XRN1: variants seen among roughly 807,000 people sequenced by gnomAD.
The protein encoded by XRN1 is 5'-3' exoribonuclease 1.
A neutral mutation model predicts 222.3 loss-of-function variants in XRN1; 67 were observed. The ratio of observed to expected loss-of-function variants is 0.30; its 90% confidence interval spans 0.25 to 0.37. XRN1 has a LOEUF of 0.37. Among genes scored for constraint, XRN1 ranks in the 10% least tolerant of loss-of-function variants. The probability of loss-of-function intolerance (pLI) is 1.00; values close to 1 mark genes in which losing one functional copy is unlikely to be tolerated. For synonymous variants in XRN1, 643 were observed against 652.4 expected (o/e 0.99, Z 0.22); for missense variants, 1,707 against 2,000.2 (o/e 0.85, Z 2.80).
chr3:142,394,485 C>T (rs1377237490), intron 20 of XRN1, among the ~76,000 whole-genome samples: 2 of 152,190 alleles, frequency 1.3e-5, no homozygotes, highest in African/African-American at 4.8e-5. Context: ...AAACCTCCTT[C>T]ACTCTACTTC....
At position 142,375,795 on chromosome 3, in the gene XRN1, T is replaced by C; in HGVS notation, c.2978+3A>G. On this transcript the variant is annotated splice_donor_region_variant and intron_variant, in intron 25 of 40. Coordinates refer to ENST00000392981, the MANE Select transcript of XRN1 (RefSeq NM_001282857.2). Reference sequence around the variant, plus strand: ...GACTACTAGTATCTTATTATGTACTTACCTCTCTAAGTACTCTGCCAGAAG... The same window carrying C: ...GACTACTAGTATCTTATTATGTACTCACCTCTCTAAGTACTCTGCCAGAAG... The C allele has an allele frequency of 6.2e-7, 1 of 1,612,266 alleles. No homozygotes were observed. Among genetic ancestry groups the C allele is most frequent in the South Asian group, 1.1e-5 (1 of 90,846 alleles).
chr3:142,374,168 G>A (rs575759024), intron 25 of XRN1, among the ~76,000 whole-genome samples: 12 of 152,260 alleles, frequency 7.9e-5, no homozygotes, highest in African/African-American at 2.9e-4. Context: ...CAGAAAGAGT[G>A]AGGCATGAAA....
intron 29 of XRN1, among the ~76,000 whole-genome samples, chr3:142,363,612 T>A (rs1016240450): frequency 4.6e-5 from 7 of 152,030 alleles, no homozygotes; most frequent in Non-Finnish European, 8.8e-5. Context: ...TAAAGTTTAC[T>A]CTAGCTTTGT....
At chr3:142,391,802 C>G (rs73238173) in intron 20 of XRN1, among the ~76,000 whole-genome samples, 18,840 of 144,808 alleles carry the variant, frequency 0.13, 1,217 homozygotes, top group African/African-American at 0.14. Flanking sequence ...ATTGTATTTT[C>G]TTACTATCCT....
chr3:142,356,432 A>G (rs2066467590), intron 31 of XRN1, among the ~76,000 whole-genome samples: 1 of 152,232 alleles, frequency 6.6e-6, no homozygotes, highest in Non-Finnish European at 1.5e-5. Flanking sequence ...AATTAAATAA[A>G]GTGTCTCACA....
rs2065964688 is a variant in XRN1, at chr3:142,340,516, A to C, written c.3878-5007T>G. On this transcript the variant is annotated intron_variant, in intron 33 of 40. Coordinates refer to ENST00000392981, the MANE Select transcript of XRN1 (RefSeq NM_001282857.2). ...GGGTAGAAAGTTTATTTGAAGAGATAATTTCACACAACTTCTCATATCTAG... is the reference window on the plus strand; with the variant it reads ...GGGTAGAAAGTTTATTTGAAGAGATCATTTCACACAACTTCTCATATCTAG... Among the ~76,000 whole-genome samples, 7 of 152,178 alleles carry C rather than the reference A, an allele frequency of 4.6e-5. No homozygotes were observed. The South Asian group carries it at 1.5e-3, about 32-fold the overall frequency.
At chr3:142,409,410 C>T (rs924576016) in intron 15 of XRN1, among the ~76,000 whole-genome samples, 1 of 152,220 alleles carries the variant, frequency 6.6e-6, no homozygotes, top group East Asian at 1.9e-4. Flanking sequence ...TGTTCTAGCA[C>T]CAACTTTTGA....
chr3:142,410,246 T>A (rs1007022511), intron 15 of XRN1, among the ~76,000 whole-genome samples: 3 of 152,192 alleles, frequency 2.0e-5, no homozygotes, highest in East Asian at 1.9e-4. Flanking sequence ...AGATTTTTTA[T>A]ATGCCTTTAT....
chr3:142,413,915 G>T (rs571196656), intron 14 of XRN1, among the ~76,000 whole-genome samples: 1 of 152,286 alleles, frequency 6.6e-6, no homozygotes, highest in South Asian at 2.1e-4. Context: ...AATGAAGCCA[G>T]GCTCTGAATG....
At chr3:142,434,056 A>G (rs1192262023) in intron 1 of XRN1, among the ~76,000 whole-genome samples, 1 of 152,242 alleles carries the variant, frequency 6.6e-6, no homozygotes, top group Admixed American at 6.5e-5. Flanking sequence ...GAGAGTTTTA[A>G]AGTGCACTCA....
chr3:142,322,397 G>C (rs2065379699), intron 37 of XRN1, among the ~76,000 whole-genome samples: 2 of 152,076 alleles, frequency 1.3e-5, no homozygotes. Flanking sequence ...AGTTTTTTTA[G>C]AGATGATGGT....
chr3:142,393,687 A>G (rs1200861700), intron 20 of XRN1, among the ~76,000 whole-genome samples: 2 of 152,200 alleles, frequency 1.3e-5, no homozygotes, highest in Non-Finnish European at 2.9e-5. Flanking sequence ...TTTTGACATT[A>G]TCCATAACTA....
At chr3:142,361,891 GA>G (rs1421170540) in intron 29 of XRN1, among the ~76,000 whole-genome samples, 5 of 124,038 alleles carry the variant, frequency 4.0e-5, no homozygotes, top group African/African-American at 5.8e-5. Context: ...CTTTTGAAGA[GA>G]GTTTTTTTTT....
intron 37 of XRN1, among the ~76,000 whole-genome samples, chr3:142,323,151 C>T (rs1053662418): frequency 4.6e-5 from 7 of 152,104 alleles, no homozygotes; most frequent in African/African-American, 1.2e-4. Flanking sequence ...TGCTCTTTTT[C>T]GCATTACTTT....
chr3:142,393,909 C>T (rs1041911633), intron 20 of XRN1, among the ~76,000 whole-genome samples: 1 of 152,000 alleles, frequency 6.6e-6, no homozygotes, highest in Non-Finnish European at 1.5e-5. Context: ...TCACTGCAAC[C>T]TCTGCCTCCC....
rs1378316705 is a variant in XRN1 at position 142,418,827 on chromosome 3, T to C, written c.1228A>G (p.Ile410Val). ...ACTTCATACTTACCCTTAGAAGTTA[T>C]CATTTCGCCTTCATTTTTGTCTAAA... The part of the protein sequence containing the change: ...TALDKNEGEM[I>V]TSKDNLEDET... Residue 410 changes from isoleucine to valine, a missense_variant, in exon 11 of 41, where the codon ATA becomes GTA. This residue lies in a region of XRN1 where 1,234 missense variants were observed against 1,518.2 expected (regional missense o/e 0.81). Transcript: ENST00000392981. 1.9e-6 allele frequency: 3 copies of C among 1,613,904 alleles called. No individual in the cohort carries two copies. Among genetic ancestry groups the C allele is most frequent in the South Asian group, 1.1e-5 (1 of 91,082 alleles).
At chr3:142,352,323 G>GA (rs2066332005) in intron 32 of XRN1, among the ~76,000 whole-genome samples, 1 of 152,132 alleles carries the variant, frequency 6.6e-6, no homozygotes, top group Admixed American at 6.5e-5. Flanking sequence ...ACTGGACTCA[G>GA]AATCAGGAAA....
chr3:142,407,946 G>A lies in XRN1; in HGVS notation c.1714-2870C>T, dbSNP rs573851227. 1.4e-4 allele frequency among the ~76,000 whole-genome samples: 21 copies of A among 152,320 alleles called. No individual in the cohort carries two copies. In the South Asian group the frequency reaches 4.3e-3, roughly 32 times the overall value. The stretch of plus-strand genomic sequence containing the variant: ...TACATGATTGATATCTTCATTTGTA[G>A]CTTTATGCAGTATTCTCTTTTTCAT... On this transcript the variant is annotated intron_variant, in intron 15 of 40. Coordinates refer to ENST00000392981, the MANE Select transcript of XRN1 (RefSeq NM_001282857.2).
At chr3:142,416,200 A>C (rs1359636149) in intron 13 of XRN1, among the ~76,000 whole-genome samples, 1 of 152,122 alleles carries the variant, frequency 6.6e-6, no homozygotes, top group Non-Finnish European at 1.5e-5. Flanking sequence ...TTTGAGAGAC[A>C]GAGTCTTGTT....
Sources: gnomAD v4.1 joint callset for allele counts (sites outside exome capture counted in the v4.1 genomes callset) on GRCh38, gnomAD v4.1.1 for gene constraint, gnomAD v4.1.1 regional missense constraint, MANE v1.5 for transcripts, NCBI Gene and HGNC (gene_info 2026-07-23, HGNC 2026-07-21) for gene names.